Variants in DLGAP2 observed in about 807,000 individuals in gnomAD.
The protein encoded by DLGAP2 is DLG associated protein 2, also known as disks large-associated protein 2.
A neutral mutation model predicts 100.3 loss-of-function variants in DLGAP2; 26 were observed. The ratio of observed to expected loss-of-function variants is 0.26; its 90% CI spans 0.19 to 0.36. DLGAP2 has a LOEUF of 0.36. DLGAP2 is among the 10% of genes least tolerant of loss of function. The pLI is 1.00. For missense variants in DLGAP2, 1,858 were observed against 1,453.2 expected (o/e 1.28, Z -4.53); for synonymous variants, 886 against 630.1 (o/e 1.41, Z -6.08).
At chr8:1,319,948 C>T (rs1800857051) in intron 3 of DLGAP2, among the ~76,000 whole-genome samples, 1 of 152,130 alleles carries the variant, frequency 6.6e-6, no homozygotes, top group African/African-American at 2.4e-5. Context: ...CAGGACTTAG[C>T]TTTAACCCAG....
intron 3 of DLGAP2, among the ~76,000 whole-genome samples, chr8:1,374,623 T>C (rs145978291): frequency 1.3e-5 from 2 of 152,356 alleles, no homozygotes; most frequent in African/African-American, 4.8e-5. Context: ...ACGGAGAATC[T>C]GCCTCAATGT....
At chr8:1,628,436 G>T (rs113827353) in intron 7 of DLGAP2, among the ~76,000 whole-genome samples, 1 of 71,822 alleles carries the variant, frequency 1.4e-5, no homozygotes, top group Non-Finnish European at 2.6e-5. Context: ...CTCACATTCT[G>T]TCTGACTTAC....
intron 2 of DLGAP2, among the ~76,000 whole-genome samples, chr8:994,759 C>T (rs1209647278): frequency 2.6e-5 from 4 of 152,134 alleles, no homozygotes; most frequent in Admixed American, 2.6e-4. Context: ...ACAGGTCAGA[C>T]CTGCTCCCTT....
At chr8:1,587,936 C>G (rs1257457443) in intron 6 of DLGAP2, among the ~76,000 whole-genome samples, 1 of 152,192 alleles carries the variant, frequency 6.6e-6, no homozygotes, top group Non-Finnish European at 1.5e-5. Context: ...TAGCTCTTCA[C>G]TATACCAATG....
At chr8:903,908 G>A (rs754778762) in intron 1 of DLGAP2, among the ~76,000 whole-genome samples, 2 of 152,218 alleles carry the variant, frequency 1.3e-5, no homozygotes. Context: ...ACTCACATTC[G>A]TCAGGGACCC....
intron 2 of DLGAP2, among the ~76,000 whole-genome samples, chr8:1,224,238 G>A (rs1207976452): frequency 1.3e-5 from 2 of 152,166 alleles, no homozygotes; most frequent in East Asian, 3.9e-4. Context: ...CACATTTAAT[G>A]TGGGTCAGGA....
intron 2 of DLGAP2, among the ~76,000 whole-genome samples, chr8:1,101,735 G>A (rs997751287): frequency 2.5e-5 from 3 of 119,870 alleles, no homozygotes; most frequent in Admixed American, 8.5e-5. Flanking sequence ...ACACGACGAT[G>A]GGAAGCTCCT....
chr8:1,701,073 G>C (rs1308751305), intron 14 of DLGAP2, 115 bp from the exon 15 acceptor site: 3 of 914,944 alleles, frequency 3.3e-6, no homozygotes, highest in East Asian at 2.7e-5. Flanking sequence ...TGAAGGATGC[G>C]GCCCTGGGGG....
chr8:1,700,745 C>A (rs968425188), intron 14 of DLGAP2, among the ~76,000 whole-genome samples: 6 of 152,214 alleles, frequency 3.9e-5, no homozygotes, highest in Admixed American at 6.5e-5. Context: ...CATGAACATA[C>A]TGGAATCCCA....
chr8:1,373,213 G>C (rs1802290034), intron 3 of DLGAP2, among the ~76,000 whole-genome samples: 1 of 152,094 alleles, frequency 6.6e-6, no homozygotes, highest in Non-Finnish European at 1.5e-5. Flanking sequence ...TGACTGCGCA[G>C]CAAGACTCTG....
At chr8:1,618,529 T>G (rs1797229728) in intron 6 of DLGAP2, among the ~76,000 whole-genome samples, 1 of 152,154 alleles carries the variant, frequency 6.6e-6, no homozygotes, top group Non-Finnish European at 1.5e-5. Context: ...ACCTCAGTTT[T>G]TAGAGAAACT....
intron 3 of DLGAP2, among the ~76,000 whole-genome samples, chr8:1,392,422 G>A (rs527892842): frequency 5.3e-5 from 8 of 152,166 alleles, no homozygotes; most frequent in African/African-American, 1.7e-4. Flanking sequence ...GGCCCCCGTC[G>A]GCCTGACTTG....
intron 2 of DLGAP2, among the ~76,000 whole-genome samples, chr8:951,104 G>T (rs1042380884): frequency 2.0e-5 from 3 of 151,940 alleles, no homozygotes; most frequent in Non-Finnish European, 2.9e-5. Flanking sequence ...ACTTAACATT[G>T]TATTGCCAAT....
chr8:936,149 T>C, intron 2 of DLGAP2, among the ~76,000 whole-genome samples: 1 of 151,772 alleles, frequency 6.6e-6, no homozygotes, highest in East Asian at 1.9e-4. Flanking sequence ...TGAGTCACAG[T>C]CGGTTTATGA....
Position 778,046 on chromosome 8 carries a change from TTTC to T in DLGAP2, c.18+40224_18+40226del, listed in dbSNP as rs1418674817. On this transcript the variant is annotated intron_variant, in intron 1 of 14. Transcript: ENST00000637795. ...CCATATTTCTTGGAGGCTTTGCTCA[TTTC>T]TTTTTATTCTTCTCTGAACTTCCCT... Among the ~76,000 whole-genome samples, 6 of 542 alleles carry T rather than the reference TTTC, an allele frequency of 0.011. No individual in the cohort carries two copies. In the East Asian group the frequency reaches 0.33, roughly 30 times the overall value. 0.4% of individuals were successfully genotyped at this position (542 alleles called of 152,430 possible). A position where few individuals can be genotyped will look rare whatever the true frequency, so the allele number is the denominator to read the frequency against.
chr8:882,062 G>A (rs1395381482), intron 1 of DLGAP2, among the ~76,000 whole-genome samples: 3 of 152,128 alleles, frequency 2.0e-5, no homozygotes, highest in Non-Finnish European at 4.4e-5. Flanking sequence ...TGTGCCATTG[G>A]TCACATGATA....
At chr8:1,333,951 C>T (rs1173627471) in intron 3 of DLGAP2, among the ~76,000 whole-genome samples, 3 of 152,350 alleles carry the variant, frequency 2.0e-5, no homozygotes, top group African/African-American at 4.8e-5. Context: ...TATGCGGTGG[C>T]ACAGGGGCCA....
At chr8:1,515,634 GCACA>G (rs930873682) in intron 4 of DLGAP2, among the ~76,000 whole-genome samples, 30 of 151,590 alleles carry the variant, frequency 2.0e-4, no homozygotes, top group Admixed American at 1.2e-3. Flanking sequence ...GCAGACACAA[GCACA>G]CACACATGCA....
intron 3 of DLGAP2, among the ~76,000 whole-genome samples, chr8:1,457,611 C>G (rs1322303071): frequency 6.6e-6 from 1 of 152,158 alleles, no homozygotes; most frequent in Non-Finnish European, 1.5e-5. Flanking sequence ...AAACTGATAT[C>G]TGGTATTTAC....
Sources: gnomAD v4.1 joint callset for allele counts (sites outside exome capture counted in the v4.1 genomes callset) on GRCh38, gnomAD v4.1.1 for gene constraint, MANE v1.5 for transcripts, NCBI Gene and HGNC (gene_info 2026-07-23, HGNC 2026-07-21) for gene names.